IGF2R: variants seen among roughly 807,000 people sequenced by gnomAD.
The protein encoded by IGF2R is cation-independent mannose-6-phosphate receptor.
A neutral mutation model predicts 270.6 loss-of-function variants in IGF2R; 91 were observed. That is an observed-to-expected ratio of 0.34 (90% confidence interval 0.28 to 0.40). The LOEUF is 0.40. IGF2R is among the 10% of genes least tolerant of loss of function. IGF2R has a pLI of 1.00. For missense variants in IGF2R, 2,805 were observed against 3,188.3 expected (o/e 0.88, Z 2.90); for synonymous variants, 1,316 against 1,258.9 (o/e 1.05, Z -0.96).
At chr6:160,076,108 C>A in intron 36 of IGF2R, 112 bp downstream of exon 36, 2 of 1,079,936 alleles carry the variant, frequency 1.9e-6, no homozygotes, top group South Asian at 1.4e-5. Flanking sequence ...AAAATGTCTG[C>A]CTTGGGTAAG....
At position 160,070,071 on chromosome 6, in the gene IGF2R, TC is replaced by T; in HGVS notation, c.4443+15del. ...CGAGAGCCAAGTGGTAAGGGACTGTTCCTGCACCTTCTGCTGTTGCAGCTTT... is the reference window on the plus strand; with the variant it reads ...CGAGAGCCAAGTGGTAAGGGACTGTTCTGCACCTTCTGCTGTTGCAGCTTT... On this transcript the variant is annotated intron_variant, in intron 31 of 47. Coordinates refer to ENST00000356956, the MANE Select transcript of IGF2R (RefSeq NM_000876.4). 6.2e-7 allele frequency: 1 copy of T among 1,612,542 alleles called. No individual in the cohort carries two copies. The highest frequency in any genetic ancestry group is 8.5e-7 in the Non-Finnish European group (1 of 1,178,710).
intron 1 of IGF2R, among the ~76,000 whole-genome samples, chr6:159,988,291 G>C (rs1422628393): frequency 6.6e-6 from 1 of 151,972 alleles, no homozygotes; most frequent in Non-Finnish European, 1.5e-5. Flanking sequence ...TGAGGCAGGC[G>C]GATCACGAGA....
chr6:160,017,814 G>T (rs983420410), intron 4 of IGF2R, among the ~76,000 whole-genome samples: 4 of 152,156 alleles, frequency 2.6e-5, no homozygotes, highest in Admixed American at 2.0e-4. Flanking sequence ...AATGCTGAGG[G>T]AATTTGTCAG....
Position 160,102,720 on chromosome 6 carries a change from T to C in IGF2R, c.6995+49T>C, listed in dbSNP as rs2114744205. The C allele has an allele frequency of 6.5e-7, 1 of 1,528,424 alleles. No homozygotes were observed. The highest frequency in any genetic ancestry group is 8.9e-7 in the Non-Finnish European group (1 of 1,125,262). 94.7% of individuals were successfully genotyped at this position (1,528,424 alleles called of 1,614,324 possible). ...GGGGCGGGTGGATGCATGCCTCCCATAGCTAATCTTGGGGTCAGTTTTGTG... is the reference window on the plus strand; with the variant it reads ...GGGGCGGGTGGATGCATGCCTCCCACAGCTAATCTTGGGGTCAGTTTTGTG... On this transcript the variant is annotated intron_variant, in intron 46 of 47. Coordinates refer to ENST00000356956, the MANE Select transcript of IGF2R (RefSeq NM_000876.4). The surrounding 1 kb of genome is among the most constrained non-coding windows in gnomAD (Gnocchi z 4.5).
At chr6:159,970,825 T>C (rs1017529151) in intron 1 of IGF2R, among the ~76,000 whole-genome samples, 5 of 152,198 alleles carry the variant, frequency 3.3e-5, no homozygotes, top group Non-Finnish European at 7.4e-5. Flanking sequence ...ATGCCCGGAA[T>C]CCAGCACTTT....
rs776843938 is a variant in IGF2R at position 160,084,512 on chromosome 6, C to T, written c.6068+328C>T. On this transcript the variant is annotated intron_variant, in intron 40 of 47. Transcript: ENST00000356956. This position sits in a 1 kb window ranked among gnomAD's most constrained non-coding sequence, Gnocchi z 4.6. ...GTTGTGGGAGGCGTGTGGGTTTTCT[C>T]GGGTCTTTGGCAGGAGCTCCTTAGG... 1.4e-4 allele frequency among the ~76,000 whole-genome samples: 22 copies of T among 152,218 alleles called. No homozygotes were observed. In the South Asian group the frequency reaches 1.7e-3, roughly 11 times the overall value.
At chr6:160,060,087 CAGTG>C (rs1403974326) in intron 22 of IGF2R, among the ~76,000 whole-genome samples, 9 of 151,540 alleles carry the variant, frequency 5.9e-5, no homozygotes, top group Middle Eastern at 3.4e-3. Context: ...GCCACCATTG[CAGTG>C]AGTGTGTAAA....
At chr6:160,071,260 G>C (rs76732098) in intron 31 of IGF2R, among the ~76,000 whole-genome samples, 1 of 105,060 alleles carries the variant, frequency 9.5e-6, no homozygotes, top group African/African-American at 3.7e-5. Context: ...TGTGCCCAGG[G>C]CCCAGGAGGC....
At chr6:160,011,003 A>G (rs963635143) in intron 4 of IGF2R, among the ~76,000 whole-genome samples, 2 of 152,230 alleles carry the variant, frequency 1.3e-5, no homozygotes, top group African/African-American at 2.4e-5. Context: ...TTTTTGGTCC[A>G]GATTGGAAAT....
At chr6:160,003,389 T>C (rs1686183538) in intron 2 of IGF2R, 1 of 152,260 alleles carries the variant, frequency 6.6e-6, no homozygotes, top group African/African-American at 2.4e-5. Context: ...TGGCAATACC[T>C]GTTAACATTT....
chr6:160,060,560 T>C lies in IGF2R; in HGVS notation c.3105T>C (p.Ala1035=), dbSNP rs145724502. Residue 1035 remains alanine, a synonymous_variant, in exon 23 of 48, where the codon GCT becomes GCC. Transcript: ENST00000356956. ...GPLSAKGTAD[A]FIVRFVCNDD... is the part of the protein sequence containing the mutation. ...CTTGCTTTACAGGTACCGCTGATGCTTTTATCGTCCGCTTTGTTTGCAATG... is the reference window on the plus strand; with the variant it reads ...CTTGCTTTACAGGTACCGCTGATGCCTTTATCGTCCGCTTTGTTTGCAATG... The C allele has an allele frequency of 9.9e-6, 16 of 1,614,244 alleles. No individual in the cohort carries two copies. Among genetic ancestry groups the C allele is most frequent in the Non-Finnish European group, 1.3e-5 (15 of 1,180,038 alleles).
At position 160,032,664 on chromosome 6, in the gene IGF2R, C is replaced by T. The variant is rs201732709; in HGVS notation, c.996C>T (p.Gly332=). 2.5e-5 allele frequency: 40 copies of T among 1,614,002 alleles called. No individual in the cohort carries two copies. Among genetic ancestry groups the T allele is most frequent in the East Asian group, 1.6e-4 (7 of 44,882 alleles). ...YLESKTCSLS[G]EQQDVSIDLT... ...AAAGTAAAACTTGTTCTCTGAGCGG[C>T]GAGCAGCAGGATGTCTCCATAGACC... Residue 332 remains glycine (G), a synonymous_variant, in exon 8 of 48, where the codon GGC becomes GGT. Coordinates refer to ENST00000356956, the MANE Select transcript of IGF2R (RefSeq NM_000876.4).
At chr6:160,047,078 C>T (rs904755386) in intron 15 of IGF2R, 81 bp from the exon 16 acceptor site, 73 of 1,360,970 alleles carry the variant, frequency 5.4e-5, no homozygotes, top group East Asian at 9.2e-5. Flanking sequence ...ACGTCGCTCA[C>T]GGGCCCTCCC....
chr6:159,969,171 A>G lies in IGF2R; in HGVS notation c.-76A>G. On this transcript the variant is annotated 5_prime_UTR_variant, in exon 1 of 48. Coordinates refer to ENST00000356956, the MANE Select transcript of IGF2R (RefSeq NM_000876.4). ...CCTCCGCCTTTGCCCTGGCGGCGCG[A>G]CCCCGTCCCGGGCGCGGCCCCCAGC... 1 of 884,136 alleles carries G rather than the reference A, an allele frequency of 1.1e-6. No homozygotes were observed. The allele number at this position is 884,136 out of a possible 1,614,324, so 54.8% of individuals were successfully genotyped here. A position where few individuals can be genotyped will look rare whatever the true frequency, so the allele number is the denominator to read the frequency against.
chr6:160,104,887 G>C lies in IGF2R; in HGVS notation c.7279G>C (p.Ala2427Pro). ...GGTGAAAGTTCACTCGGGCAGGGGA[G>C]CTGGGGCAGAGAGCTCCCACCCAGT... ...PEVKVHSGRG[A>P]GAESSHPVRN... is the part of the protein sequence containing the mutation. The change falls in exon 48 of 48, where the codon GCT (alanine) becomes CCT (proline). Residue 2427 changes from alanine (A) to proline (P), a missense_variant. Ala to Pro is a conservative substitution (Grantham distance 27). Around this residue, in one of 2 missense-constraint regions of IGF2R, gnomAD observed 1,851 missense variants for 2,207.2 expected, o/e 0.84. Coordinates refer to ENST00000356956, the MANE Select transcript of IGF2R (RefSeq NM_000876.4). The C allele has an allele frequency of 6.2e-7, 1 of 1,614,194 alleles. No homozygotes were observed. Among genetic ancestry groups the C allele is most frequent in the Non-Finnish European group, 8.5e-7 (1 of 1,180,030 alleles).
intron 1 of IGF2R, among the ~76,000 whole-genome samples, chr6:159,977,624 C>G (rs1481746382): frequency 6.6e-6 from 1 of 152,228 alleles, no homozygotes; most frequent in Non-Finnish European, 1.5e-5. Flanking sequence ...TTTTCCTCCT[C>G]AAGAGGGGTG....
chr6:160,043,133 T>C lies in IGF2R; in HGVS notation c.1481-15T>C, dbSNP rs375188694. On this transcript the variant is annotated splice_polypyrimidine_tract_variant and intron_variant, in intron 11 of 47. Coordinates refer to ENST00000356956, the MANE Select transcript of IGF2R (RefSeq NM_000876.4). ...GCATTGCTTTTGGCTAAAATACACT[T>C]TTGTTTTGTTACAGAACCAGAGCAG... 55 of 1,613,506 alleles carry C rather than the reference T, an allele frequency of 3.4e-5. 1 individual carries two copies. Among genetic ancestry groups the C allele is most frequent in the South Asian group, 2.6e-4 (24 of 90,994 alleles).
chr6:160,102,579 ACGGAGCCAGGCAGTCGG>A lies in IGF2R; in HGVS notation c.6906_6922del (p.Ser2303GlyfsTer30). On this transcript the variant is annotated frameshift_variant, in exon 46 of 48. Transcript: ENST00000356956. LOFTEE classifies it high-confidence loss of function. This position sits in a 1 kb window ranked among gnomAD's most constrained non-coding sequence, Gnocchi z 4.5. ...GGCAGATGCACAAGGGGCTGTCAGA[ACGGAGCCAGGCAGTCGG>A]CGCGGTGCTCAGCCTGCTGCTGGTG... 6.2e-7 allele frequency: 1 copy of A among 1,613,662 alleles called. No homozygotes were observed. The highest frequency in any genetic ancestry group is 8.5e-7 in the Non-Finnish European group (1 of 1,179,972).
chr6:160,045,644 C>T, intron 13 of IGF2R, 101 bp from the exon 14 acceptor site: 1 of 1,432,996 alleles, frequency 7.0e-7, no homozygotes, highest in Admixed American at 1.7e-5. Flanking sequence ...TACCTCATTT[C>T]CCACTGTCCC....
Sources: allele counts gnomAD v4.1 joint callset (sites outside exome capture counted in the v4.1 genomes callset), GRCh38; gene constraint gnomAD v4.1.1; regional missense constraint gnomAD v4.1.1; non-coding constraint Gnocchi (gnomAD v3.1); transcripts MANE v1.5; gene names NCBI Gene and HGNC (gene_info 2026-07-23, HGNC 2026-07-21).